SORCS1: variants seen among roughly 807,000 people sequenced by gnomAD.
SORCS1 encodes the protein VPS10 domain-containing receptor SorCS1.
Under a neutral mutation model 146.1 loss-of-function variants are expected in SORCS1, and 60 were observed. The ratio of observed to expected loss-of-function variants is 0.41; its 90% confidence interval spans 0.33 to 0.51. SORCS1 has a LOEUF of 0.51. Ranked by LOEUF, SORCS1 falls within the 20% of genes least tolerant of loss-of-function variation. The probability of loss-of-function intolerance (pLI) is 0.21; values close to 1 mark genes in which losing one functional copy is unlikely to be tolerated. For synonymous variants in SORCS1, 637 were observed against 584.0 expected (o/e 1.09, Z -1.31); for missense variants, 1,352 against 1,487.6 (o/e 0.91, Z 1.50).
intron 1 of SORCS1, among the ~76,000 whole-genome samples, chr10:107,113,615 G>A (rs188691079): frequency 0.016 from 2,361 of 151,008 alleles, 30 homozygotes; most frequent in Non-Finnish European, 0.027. Flanking sequence ...GCTTGAACCC[G>A]GGAGGCGGAG....
chr10:106,796,661 G>T (rs1012020658), intron 3 of SORCS1, among the ~76,000 whole-genome samples: 1 of 152,122 alleles, frequency 6.6e-6, no homozygotes, highest in Non-Finnish European at 1.5e-5. Context: ...GGGACAGTTG[G>T]GGGTGGGGAG....
At chr10:106,803,771 G>A (rs556774664) in intron 3 of SORCS1, among the ~76,000 whole-genome samples, 1 of 152,298 alleles carries the variant, frequency 6.6e-6, no homozygotes, top group East Asian at 1.9e-4. Flanking sequence ...TTACAGCCAA[G>A]GGATGCAATG....
At chr10:106,798,564 T>C (rs1467941059) in intron 3 of SORCS1, among the ~76,000 whole-genome samples, 1 of 152,164 alleles carries the variant, frequency 6.6e-6, no homozygotes, top group African/African-American at 2.4e-5. Context: ...TGCGATAGTT[T>C]GCTGAGAATG....
intron 25 of SORCS1, chr10:106,578,780 C>T: frequency 8.4e-7 from 1 of 1,188,444 alleles, no homozygotes; most frequent in Non-Finnish European, 1.0e-6. Flanking sequence ...TTCTTATATA[C>T]TATTAAAGCA....
chr10:107,133,252 T>C (rs144971467), intron 1 of SORCS1, among the ~76,000 whole-genome samples: 24 of 152,288 alleles, frequency 1.6e-4, no homozygotes, highest in Non-Finnish European at 3.1e-4. Flanking sequence ...TTTGGGTGGA[T>C]ACAGCTTTTT....
intron 1 of SORCS1, among the ~76,000 whole-genome samples, chr10:107,159,991 T>C (rs967946968): frequency 6.6e-6 from 1 of 152,222 alleles, no homozygotes; most frequent in Non-Finnish European, 1.5e-5. Flanking sequence ...AGGTTACCTC[T>C]TGCTCACTGA....
At chr10:106,623,717 G>C (rs556586358) in intron 19 of SORCS1, among the ~76,000 whole-genome samples, 5 of 151,984 alleles carry the variant, frequency 3.3e-5, no homozygotes, top group Non-Finnish European at 7.4e-5. Flanking sequence ...CCAGGCTGGA[G>C]TGCAGTGGCA....
chr10:107,106,294 T>C (rs368754702), intron 1 of SORCS1, among the ~76,000 whole-genome samples: 3 of 152,182 alleles, frequency 2.0e-5, no homozygotes, highest in Non-Finnish European at 4.4e-5. Flanking sequence ...GATAAGTTAA[T>C]CAATTTATCT....
the SORCS1 span, among the ~76,000 whole-genome samples, chr10:107,172,560 A>T: frequency 5.3e-5 from 8 of 152,214 alleles, no homozygotes; most frequent in Non-Finnish European, 1.0e-4. Flanking sequence ...CATCTCCTCC[A>T]TTAGACTGCA....
intron 1 of SORCS1, among the ~76,000 whole-genome samples, chr10:107,056,818 T>C (rs953861943): frequency 3.9e-5 from 6 of 152,214 alleles, no homozygotes; most frequent in African/African-American, 1.4e-4. Flanking sequence ...AATTTTACAG[T>C]AAATAACCCT....
chr10:107,180,440 C>T, the SORCS1 span, among the ~76,000 whole-genome samples: 1 of 152,086 alleles, frequency 6.6e-6, no homozygotes, highest in Non-Finnish European at 1.5e-5. Flanking sequence ...AATAGATATT[C>T]AATTGCTCCA....
intron 1 of SORCS1, among the ~76,000 whole-genome samples, chr10:107,119,917 C>T (rs1565069952): frequency 6.6e-6 from 1 of 152,028 alleles, no homozygotes; most frequent in Non-Finnish European, 1.5e-5. Context: ...TGGAACTATC[C>T]GTTTACAGCC....
intron 14 of SORCS1, 25 bp from the exon 15 acceptor site, chr10:106,673,010 T>G: frequency 6.3e-7 from 1 of 1,578,568 alleles, no homozygotes; most frequent in Non-Finnish European, 8.7e-7. Flanking sequence ...GTGATAAAAA[T>G]AATTACAATG....
intron 6 of SORCS1, among the ~76,000 whole-genome samples, chr10:106,725,720 C>G (rs1429089557): frequency 2.0e-5 from 3 of 151,772 alleles, no homozygotes; most frequent in African/African-American, 7.3e-5. Context: ...CACTTGAGGT[C>G]AGGAGTTCGA....
chr10:106,822,750 C>T (rs566019102), intron 3 of SORCS1, among the ~76,000 whole-genome samples: 3 of 149,124 alleles, frequency 2.0e-5, no homozygotes, highest in Admixed American at 1.3e-4. Flanking sequence ...TTGGAAAATG[C>T]CACTTCCACT....
intron 1 of SORCS1, among the ~76,000 whole-genome samples, chr10:107,085,632 G>A (rs1399412751): frequency 2.0e-5 from 3 of 152,142 alleles, no homozygotes; most frequent in Non-Finnish European, 2.9e-5. Flanking sequence ...GAAGAGAATT[G>A]GATAAGTGAA....
intron 2 of SORCS1, among the ~76,000 whole-genome samples, chr10:106,838,861 C>A (rs1275786565): frequency 6.6e-6 from 1 of 152,116 alleles, no homozygotes; most frequent in African/African-American, 2.4e-5. Context: ...CCATTATTAT[C>A]GTATCTGTTA....
chr10:107,079,881 T>C (rs1963193129), intron 1 of SORCS1, among the ~76,000 whole-genome samples: 1 of 152,238 alleles, frequency 6.6e-6, no homozygotes, highest in African/African-American at 2.4e-5. Context: ...TGCCTTTGGC[T>C]AGCTTACAAC....
intron 3 of SORCS1, among the ~76,000 whole-genome samples, chr10:106,781,421 T>C (rs2136417581): frequency 6.6e-6 from 1 of 152,304 alleles, no homozygotes; most frequent in African/African-American, 2.4e-5. Context: ...GCTGTGTGGA[T>C]ATCTCTTTTG....
Sources: allele counts gnomAD v4.1 joint callset (sites outside exome capture counted in the v4.1 genomes callset), GRCh38; gene constraint gnomAD v4.1.1; transcripts MANE v1.5; gene names NCBI Gene and HGNC (gene_info 2026-07-23, HGNC 2026-07-21).